Variants in FNIP2 observed in about 807,000 individuals in gnomAD.
The protein encoded by FNIP2 is folliculin-interacting protein 2.
A neutral mutation model predicts 108.7 loss-of-function variants in FNIP2; 32 were observed. That is an observed-to-expected ratio of 0.29 (90% confidence interval 0.22 to 0.40). FNIP2 has a LOEUF of 0.40. Among genes scored for constraint, FNIP2 ranks in the 10% least tolerant of loss-of-function variants. FNIP2 has a pLI of 1.00. For missense variants in FNIP2, 1,202 were observed against 1,381.6 expected (o/e 0.87, Z 2.06); for synonymous variants, 480 against 496.7 (o/e 0.97, Z 0.45).
chr4:158,788,804 G>A (rs1578824922), intron 1 of FNIP2, among the ~76,000 whole-genome samples: 2 of 152,276 alleles, frequency 1.3e-5, no homozygotes, highest in East Asian at 3.9e-4. Context: ...CTCTCTAAAG[G>A]CACACTCACA....
At chr4:158,771,557 TAGTTAA>T (rs1334933249) in intron 1 of FNIP2, among the ~76,000 whole-genome samples, 1 of 152,238 alleles carries the variant, frequency 6.6e-6, no homozygotes, top group Non-Finnish European at 1.5e-5. Flanking sequence ...AACTACCTTG[TAGTTAA>T]ATAGAGTTTT....
chr4:158,802,236 T>C (rs1776787238), intron 1 of FNIP2, among the ~76,000 whole-genome samples: 1 of 152,176 alleles, frequency 6.6e-6, no homozygotes, highest in Non-Finnish European at 1.5e-5. Context: ...GAAGGCATTA[T>C]GGAAGATAGG....
chr4:158,866,999 C>CA (rs745474998), intron 12 of FNIP2, among the ~76,000 whole-genome samples: 4 of 152,170 alleles, frequency 2.6e-5, no homozygotes, highest in Non-Finnish European at 5.9e-5. Flanking sequence ...ATCAAATTAT[C>CA]AAATGCAGTA....
chr4:158,850,071 C>T (rs892293626), intron 7 of FNIP2, among the ~76,000 whole-genome samples: 4 of 152,204 alleles, frequency 2.6e-5, no homozygotes, highest in African/African-American at 9.7e-5. Flanking sequence ...TAGTTGATAG[C>T]AAAGTAACTC....
chr4:158,873,367 GTTTTGT>G (rs983460160), intron 14 of FNIP2, among the ~76,000 whole-genome samples: 18 of 151,612 alleles, frequency 1.2e-4, no homozygotes, highest in South Asian at 1.0e-3. Context: ...TTTTTGTTTT[GTTTTGT>G]TTTTGTTTTT....
Position 158,868,504 on chromosome 4 carries a change from A to G in FNIP2, c.1868A>G (p.Glu623Gly). Residue 623 changes from glutamate to glycine, a missense_variant, in exon 13 of 17, where the codon GAG (glutamate) becomes GGG (glycine). This residue lies in a region of FNIP2 where 878 missense variants were observed against 990.3 expected (regional missense o/e 0.89). Coordinates refer to ENST00000264433, the MANE Select transcript of FNIP2 (RefSeq NM_020840.3). This position sits in a 1 kb window ranked among gnomAD's most constrained non-coding sequence, Gnocchi z 4.6. ...KPDKEANRRP[E>G]QGSEACSAGC... The stretch of plus-strand genomic sequence containing the variant: ...GACAAAGAAGCTAACAGGAGGCCAG[A>G]GCAGGGTTCTGAGGCTTGCAGCGCA... The G allele has an allele frequency of 6.2e-7, 1 of 1,613,996 alleles. No homozygotes were observed. The highest frequency in any genetic ancestry group is 8.5e-7 in the Non-Finnish European group (1 of 1,179,878).
At chr4:158,826,394 C>T (rs1192989914) in intron 2 of FNIP2, among the ~76,000 whole-genome samples, 1 of 152,170 alleles carries the variant, frequency 6.6e-6, no homozygotes. Flanking sequence ...CTCTAAAATT[C>T]ATAAAGTGAT....
chr4:158,878,069 A>G (rs1295514958), intron 14 of FNIP2, among the ~76,000 whole-genome samples: 2 of 152,140 alleles, frequency 1.3e-5, no homozygotes, highest in Admixed American at 6.5e-5. Flanking sequence ...TGGATAAAAT[A>G]TCACCATCCT....
intron 14 of FNIP2, among the ~76,000 whole-genome samples, chr4:158,883,424 G>T (rs1425054423): frequency 6.6e-6 from 1 of 152,054 alleles, no homozygotes; most frequent in African/African-American, 2.4e-5. Context: ...TGTATTTTTA[G>T]TAGAGACGGG....
rs890161228 is a variant in FNIP2 at position 158,904,676 on chromosome 4, T to G, written c.*132T>G. On this transcript the variant is annotated 3_prime_UTR_variant, in exon 17 of 17. Coordinates refer to ENST00000264433, the MANE Select transcript of FNIP2 (RefSeq NM_020840.3). The stretch of plus-strand genomic sequence containing the variant: ...GAAACAGTCATTCCACCTTTTTGTT[T>G]TGTGTTTTTGCTGTCAAGCTGATGC... The G allele has an allele frequency of 1.3e-6, 1 of 785,198 alleles. No individual in the cohort carries two copies. Among genetic ancestry groups the G allele is most frequent in the African/African-American group, 1.7e-5 (1 of 57,946 alleles). 48.6% of individuals were successfully genotyped at this position (785,198 alleles called of 1,614,324 possible).
chr4:158,849,368 G>T (rs564186793), intron 7 of FNIP2, among the ~76,000 whole-genome samples: 1 of 152,250 alleles, frequency 6.6e-6, no homozygotes, highest in East Asian at 1.9e-4. Context: ...GTGTCCTTTG[G>T]TTCAAAGTGC....
In FNIP2 at chr4:158,792,053, G is replaced by A. The variant is rs143831052; in HGVS notation, c.107+22734G>A. 1.3e-3 allele frequency among the ~76,000 whole-genome samples: 200 copies of A among 152,186 alleles called. 1 individual carries two copies. The Middle Eastern group carries it at 0.031, about 23-fold the overall frequency. ...TAGGAGGTTGAAGCTACAGTGAGCC[G>A]TGATTGCACCACTGCACTCCAGCCT... is the stretch of plus-strand genomic sequence containing the variant. On this transcript the variant is annotated intron_variant, in intron 1 of 16. Coordinates refer to ENST00000264433, the MANE Select transcript of FNIP2 (RefSeq NM_020840.3).
chr4:158,803,619 G>GT (rs1345714078), intron 1 of FNIP2, among the ~76,000 whole-genome samples: 4 of 152,152 alleles, frequency 2.6e-5, no homozygotes, highest in South Asian at 2.1e-4. Context: ...AATAGTTGTG[G>GT]TTTTTTCATA....
At chr4:158,845,018 A>G (rs532524110) in intron 7 of FNIP2, among the ~76,000 whole-genome samples, 1 of 152,376 alleles carries the variant, frequency 6.6e-6, no homozygotes, top group South Asian at 2.1e-4. Flanking sequence ...GGCGTTAACC[A>G]GATATAAAAT....
chr4:158,817,979 T>G (rs1560774601), intron 1 of FNIP2, among the ~76,000 whole-genome samples: 1 of 152,250 alleles, frequency 6.6e-6, no homozygotes, highest in East Asian at 1.9e-4. Context: ...TTGTCTATGC[T>G]GTGGTGGCCC....
At chr4:158,774,360 T>C (rs938527588) in intron 1 of FNIP2, among the ~76,000 whole-genome samples, 1 of 152,220 alleles carries the variant, frequency 6.6e-6, no homozygotes, top group Non-Finnish European at 1.5e-5. Context: ...ATTTGGATTA[T>C]TTTAAACCTA....
intron 1 of FNIP2, among the ~76,000 whole-genome samples, chr4:158,776,891 A>G (rs537221791): frequency 6.6e-6 from 1 of 152,330 alleles, no homozygotes; most frequent in East Asian, 1.9e-4. Flanking sequence ...TGATGTTTCT[A>G]GCATGCGTTG....
At chr4:158,784,386 G>A (rs1047077546) in intron 1 of FNIP2, among the ~76,000 whole-genome samples, 2 of 152,190 alleles carry the variant, frequency 1.3e-5, no homozygotes, top group Non-Finnish European at 2.9e-5. Flanking sequence ...TTTGGCATGA[G>A]GCAACAGTTT....
At chr4:158,840,456 C>T (rs527386134) in intron 7 of FNIP2, among the ~76,000 whole-genome samples, 18 of 152,016 alleles carry the variant, frequency 1.2e-4, no homozygotes, top group African/African-American at 3.1e-4. Context: ...AGTGCAGTGG[C>T]GCAATCTCAG....
Sources: gnomAD v4.1 joint callset for allele counts (sites outside exome capture counted in the v4.1 genomes callset) on GRCh38, gnomAD v4.1.1 for gene constraint, gnomAD v4.1.1 regional missense constraint, Gnocchi (gnomAD v3.1) non-coding constraint, MANE v1.5 for transcripts, NCBI Gene and HGNC (gene_info 2026-07-23, HGNC 2026-07-21) for gene names.